Variants in ITPR2 observed in about 807,000 individuals in gnomAD.
ITPR2 encodes inositol 1,4,5-trisphosphate receptor type 2, also known as inositol 1,4,5-trisphosphate-gated calcium channel ITPR2.
A neutral mutation model predicts 317.1 loss-of-function variants in ITPR2; 207 were observed. The observed-to-expected ratio is 0.65, with a 90% CI of 0.58 to 0.73. ITPR2 has a LOEUF of 0.73. Among genes scored for constraint, ITPR2 ranks in the 30% least tolerant of loss-of-function variants. The pLI is 0.00. For synonymous variants in ITPR2, 1,156 were observed against 1,149.1 expected, an observed-to-expected ratio of 1.01 and a Z score of -0.12; for missense variants, 2,613 against 3,284.0, an observed-to-expected ratio of 0.80 and a Z score of 4.99.
At chr12:26,456,886 C>T (rs762300826) in intron 45 of ITPR2, among the ~76,000 whole-genome samples, 8 of 152,134 alleles carry the variant, frequency 5.3e-5, no homozygotes, top group Non-Finnish European at 1.0e-4. Flanking sequence ...GTTGGCCAGG[C>T]TGGTCTCAAA....
intron 1 of ITPR2, among the ~76,000 whole-genome samples, chr12:26,823,704 T>A (rs1460057699): frequency 1.3e-5 from 2 of 152,232 alleles, no homozygotes; most frequent in Non-Finnish European, 2.9e-5. Flanking sequence ...TAACTTATTC[T>A]TAATTCAAGG....
chr12:26,825,667 G>A (rs1023788955), intron 1 of ITPR2, among the ~76,000 whole-genome samples: 2 of 152,178 alleles, frequency 1.3e-5, no homozygotes, highest in Non-Finnish European at 2.9e-5. Flanking sequence ...ACTTGACTGA[G>A]CTCTCATTGC....
chr12:26,495,244 T>C lies in ITPR2; in HGVS notation c.5090A>G (p.Lys1697Arg). The C allele has an allele frequency of 1.3e-6, 2 of 1,569,510 alleles. No homozygotes were observed. The highest frequency in any genetic ancestry group is 8.8e-7 in the Non-Finnish European group (1 of 1,140,324). Residue 1697 changes from lysine to arginine, a missense_variant, in exon 38 of 57, where the codon AAG becomes AGG. By Grantham distance (26) the Lys-to-Arg change is conservative (BLOSUM62 2). Coordinates refer to ENST00000381340, the MANE Select transcript of ITPR2 (RefSeq NM_002223.4). ...TTTAAAGTATCGATTCAGAAGTATC[T>C]TTCTTAATGTGTTACCCTAATAAGA... ...SFVEEGNTLR[K>R]ILLNRYFKGD...
chr12:26,544,385 A>G (rs1437022990), intron 37 of ITPR2, among the ~76,000 whole-genome samples: 1 of 152,168 alleles, frequency 6.6e-6, no homozygotes, highest in African/African-American at 2.4e-5. Context: ...AAATCTAATT[A>G]CATTTAGTTA....
In ITPR2 at chr12:26,359,366, G is replaced by A. The variant is rs187718740; in HGVS notation, c.7858-19038C>T. ...AGTCTTGGCATCATCCAAATGAGAGGATGCTCAGATATACAGGGAACCAAG... is the reference window on the plus strand; with the variant it reads ...AGTCTTGGCATCATCCAAATGAGAGAATGCTCAGATATACAGGGAACCAAG... On this transcript the variant is annotated intron_variant, in intron 55 of 56. Coordinates refer to ENST00000381340, the MANE Select transcript of ITPR2 (RefSeq NM_002223.4). Among the ~76,000 whole-genome samples the A allele has an allele frequency of 5.9e-5, 9 of 152,268 alleles. No homozygotes were observed. In the South Asian group the frequency reaches 8.3e-4, roughly 14 times the overall value.
At chr12:26,828,109 A>G (rs924970540) in intron 1 of ITPR2, among the ~76,000 whole-genome samples, 3 of 152,208 alleles carry the variant, frequency 2.0e-5, no homozygotes, top group Non-Finnish European at 4.4e-5. Context: ...GACATGAAAA[A>G]AGAATAAACG....
intron 49 of ITPR2, among the ~76,000 whole-genome samples, chr12:26,422,201 A>T (rs1049968953): frequency 2.0e-5 from 3 of 150,294 alleles, no homozygotes; most frequent in Admixed American, 1.3e-4. Context: ...TAACTAGTAA[A>T]TAATTTAACT....
At chr12:26,503,625 A>ATTGGC (rs1348324563) in intron 37 of ITPR2, among the ~76,000 whole-genome samples, 1 of 152,142 alleles carries the variant, frequency 6.6e-6, no homozygotes, top group African/African-American at 2.4e-5. Context: ...TCTTCCACTT[A>ATTGGC]TTGGCTTTGT....
chr12:26,789,532 T>C (rs987646785), intron 2 of ITPR2, among the ~76,000 whole-genome samples: 1 of 152,252 alleles, frequency 6.6e-6, no homozygotes, highest in African/African-American at 2.4e-5. Context: ...GTACCAATTA[T>C]GAAATTGATT....
At chr12:26,366,813 A>T (rs1457931109) in intron 55 of ITPR2, among the ~76,000 whole-genome samples, 1 of 152,186 alleles carries the variant, frequency 6.6e-6, no homozygotes, top group Non-Finnish European at 1.5e-5. Flanking sequence ...CAATTTTGGA[A>T]GAATACATTT....
rs769360742 is a variant in ITPR2 at position 26,338,067 on chromosome 12, G to A, written c.*1330C>T. 6 of 152,190 alleles carry A rather than the reference G, an allele frequency of 3.9e-5. No homozygotes were observed. Among genetic ancestry groups the A allele is most frequent in the African/African-American group, 1.4e-4 (6 of 41,440 alleles). The allele number at this position is 152,190 out of a possible 1,614,324, so 9.4% of individuals were successfully genotyped here. A position where few individuals can be genotyped will look rare whatever the true frequency, so the allele number is the denominator to read the frequency against. On this transcript the variant is annotated 3_prime_UTR_variant, in exon 57 of 57. Transcript: ENST00000381340. Reference sequence around the variant, plus strand: ...TCTGGAGGCAGTGTTTTGTTCCTGTGGGGGAGAGGCCAGGTCAACTTGCAG... The same window carrying A: ...TCTGGAGGCAGTGTTTTGTTCCTGTAGGGGAGAGGCCAGGTCAACTTGCAG...
At chr12:26,661,322 G>A (rs1388218319) in intron 15 of ITPR2, among the ~76,000 whole-genome samples, 3 of 148,336 alleles carry the variant, frequency 2.0e-5, no homozygotes, top group Non-Finnish European at 4.5e-5. Flanking sequence ...GAGCGCACAC[G>A]TGTGTGTGTT....
At chr12:26,618,190 G>C (rs984895918) in intron 26 of ITPR2, among the ~76,000 whole-genome samples, 4 of 151,996 alleles carry the variant, frequency 2.6e-5, no homozygotes, top group Admixed American at 2.6e-4. Context: ...AAATAAGACA[G>C]GGATGCCCAT....
intron 55 of ITPR2, among the ~76,000 whole-genome samples, chr12:26,367,069 G>A (rs1005660731): frequency 3.3e-5 from 5 of 152,160 alleles, no homozygotes; most frequent in African/African-American, 9.6e-5. Context: ...TCTACAGAGT[G>A]ACTGTAGTGG....
chr12:26,593,680 T>C (rs1287616457), intron 32 of ITPR2, among the ~76,000 whole-genome samples: 1 of 152,040 alleles, frequency 6.6e-6, no homozygotes, highest in Non-Finnish European at 1.5e-5. Context: ...AGCTTTAATA[T>C]AATAAATAAC....
At chr12:26,766,036 A>G (rs944352871) in intron 2 of ITPR2, among the ~76,000 whole-genome samples, 4 of 152,192 alleles carry the variant, frequency 2.6e-5, no homozygotes, top group African/African-American at 7.2e-5. Flanking sequence ...GTGTTTGTCC[A>G]TTCACCAGCT....
At chr12:26,602,328 T>A (rs1426482946) in intron 28 of ITPR2, 42 bp downstream of exon 28, 1 of 1,563,878 alleles carries the variant, frequency 6.4e-7, no homozygotes, top group African/African-American at 1.4e-5. Context: ...TGAAATTGTA[T>A]CAAAATAAAA....
chr12:26,379,404 C>G (rs1330487033), intron 55 of ITPR2, among the ~76,000 whole-genome samples: 1 of 152,176 alleles, frequency 6.6e-6, no homozygotes, highest in African/African-American at 2.4e-5. Context: ...ACAGTCAATA[C>G]TTATCCATGT....
At chr12:26,759,754 C>T (rs1949595672) in intron 2 of ITPR2, among the ~76,000 whole-genome samples, 1 of 152,222 alleles carries the variant, frequency 6.6e-6, no homozygotes, top group African/African-American at 2.4e-5. Context: ...ATCATCTTTT[C>T]TAAAGCTTCT....
Sources: allele counts gnomAD v4.1 joint callset (sites outside exome capture counted in the v4.1 genomes callset), GRCh38; gene constraint gnomAD v4.1.1; transcripts MANE v1.5; gene names NCBI Gene and HGNC (gene_info 2026-07-23, HGNC 2026-07-21).